Variants in TMEM164 observed in about 807,000 individuals in gnomAD.
TMEM164 encodes the protein transmembrane protein 164.
In TMEM164, 4 loss-of-function variants were observed where a neutral mutation model predicts 18.8. That is an observed-to-expected ratio of 0.21 (90% CI 0.10 to 0.49). TMEM164 has a LOEUF of 0.49. Ranked by LOEUF, TMEM164 falls within the 20% of genes least tolerant of loss-of-function variation. TMEM164 has a pLI of 0.98. For synonymous variants in TMEM164, 86 were observed against 101.7 expected, an observed-to-expected ratio of 0.85 and a Z score of 0.93; for missense variants, 108 against 239.9, an observed-to-expected ratio of 0.45 and a Z score of 3.63.
intron 2 of TMEM164, among the ~76,000 whole-genome samples, chrX:110,033,280 TGTC>T: frequency 8.9e-6 from 1 of 112,178 alleles, no homozygotes; most frequent in Admixed American, 9.4e-5. Flanking sequence ...ATGCAAAAAA[TGTC>T]GTTTCTTTAC....
At chrX:110,108,655 T>A (rs1219977317) in intron 3 of TMEM164, among the ~76,000 whole-genome samples, 1 of 111,951 alleles carries the variant, frequency 8.9e-6, no homozygotes, top group African/African-American at 3.3e-5. Context: ...GGATTATACA[T>A]GACAGTGTAA....
At chrX:110,077,462 T>C (rs754947136) in intron 3 of TMEM164, among the ~76,000 whole-genome samples, 1 of 111,795 alleles carries the variant, frequency 8.9e-6, no homozygotes, top group African/African-American at 3.2e-5. Context: ...ACATTCAACA[T>C]TAATATTGAT....
downstream of TMEM164, among the ~76,000 whole-genome samples, chrX:110,178,512 C>A (rs1347252018): frequency 5.4e-5 from 6 of 112,127 alleles, no homozygotes; most frequent in Admixed American, 3.7e-4. Flanking sequence ...AGACAATGAC[C>A]TAGGCCATTG....
intron 5 of TMEM164, among the ~76,000 whole-genome samples, chrX:110,165,773 A>G (rs2067151873): frequency 9.0e-6 from 1 of 111,583 alleles, no homozygotes; most frequent in African/African-American, 3.3e-5. Context: ...ACCTCCTCTC[A>G]GTTACTGAAG....
At chrX:110,121,289 G>A (rs1186130124) in intron 4 of TMEM164, among the ~76,000 whole-genome samples, 2 of 112,243 alleles carry the variant, frequency 1.8e-5, no homozygotes, top group Non-Finnish European at 1.9e-5. Flanking sequence ...TAGCACCACA[G>A]TCTAATTTTA....
In TMEM164 at chrX:110,170,103, G is replaced by A. The variant is rs189351111; in HGVS notation, c.587-1317G>A. Among the ~76,000 whole-genome samples, 861 of 112,163 alleles carry A rather than the reference G, an allele frequency of 7.7e-3. 11 individuals carry two copies. The highest frequency in any genetic ancestry group is 0.027 in the African/African-American group (821 of 30,851). ...GTTACACTCTCCCCTGTGGCCCCAT[G>A]GAACCCTTATCCATAGTTCTCTGAA... On this transcript the variant is annotated intron_variant, in intron 5 of 6. Coordinates refer to ENST00000372068, the MANE Select transcript of TMEM164 (RefSeq NM_032227.4).
intron 3 of TMEM164, among the ~76,000 whole-genome samples, chrX:110,075,440 G>A (rs939497182): frequency 9.0e-5 from 10 of 111,220 alleles, no homozygotes; most frequent in African/African-American, 2.9e-4. Flanking sequence ...CTATTTGGAT[G>A]CCTTTTATTT....
chrX:110,016,020 T>C (rs1933345167), intron 2 of TMEM164, among the ~76,000 whole-genome samples: 1 of 112,425 alleles, frequency 8.9e-6, no homozygotes, highest in Admixed American at 9.4e-5. Flanking sequence ...AGGCCAAGGC[T>C]GCATTAGCTT....
intron 2 of TMEM164, among the ~76,000 whole-genome samples, chrX:110,021,321 C>T (rs1193500269): frequency 9.0e-6 from 1 of 111,304 alleles, no homozygotes; most frequent in Admixed American, 9.6e-5. Context: ...GGCTGTGCCA[C>T]AGGTGCCTTG....
chrX:110,107,980 C>T (rs757279817), intron 3 of TMEM164, among the ~76,000 whole-genome samples: 2 of 110,358 alleles, frequency 1.8e-5, no homozygotes, highest in Non-Finnish European at 3.8e-5. Flanking sequence ...GCGTTACAAA[C>T]ACATCTGTGA....
At chrX:110,089,927 C>T (rs193043958) in intron 3 of TMEM164, among the ~76,000 whole-genome samples, 2 of 112,274 alleles carry the variant, frequency 1.8e-5, no homozygotes, top group African/African-American at 3.2e-5. Flanking sequence ...TTAGTAGTAG[C>T]GTATAGCATT....
intron 3 of TMEM164, among the ~76,000 whole-genome samples, chrX:110,069,281 G>A (rs923791179): frequency 1.8e-5 from 2 of 111,591 alleles, no homozygotes; most frequent in Non-Finnish European, 3.8e-5. Flanking sequence ...TGTAATATGT[G>A]AGATTATTAT....
At chrX:110,044,593 CTTTTTTTTT>C (rs56400284) in intron 2 of TMEM164, among the ~76,000 whole-genome samples, 1 of 35,958 alleles carries the variant, frequency 2.8e-5, no homozygotes, top group African/African-American at 1.2e-4. Context: ...CCATTCCTTG[CTTTTTTTTT>C]TTTTTTTTTT....
At chrX:110,042,130 C>CT (rs1261148402) in intron 2 of TMEM164, among the ~76,000 whole-genome samples, 170 of 102,914 alleles carry the variant, frequency 1.7e-3, no homozygotes, top group East Asian at 0.013. Context: ...ATTTCTAGCA[C>CT]TTTTTTTTTT....
chrX:110,031,093 C>G (rs1934483809), intron 2 of TMEM164, among the ~76,000 whole-genome samples: 1 of 110,801 alleles, frequency 9.0e-6, no homozygotes, highest in Non-Finnish European at 1.9e-5. Flanking sequence ...ATGTGATGTT[C>G]CCTTCCCTGT....
intron 2 of TMEM164, among the ~76,000 whole-genome samples, chrX:110,066,304 T>C (rs1458288538): frequency 8.9e-6 from 1 of 111,902 alleles, no homozygotes; most frequent in Non-Finnish European, 1.9e-5. Flanking sequence ...CTCAACAATA[T>C]AGGGACACAT....
intron 6 of TMEM164, 118 bp downstream of exon 6, chrX:110,171,638 G>T: frequency 1.6e-6 from 1 of 619,729 alleles, no homozygotes; most frequent in Non-Finnish European, 2.7e-6. Context: ...CTAAAGGCCA[G>T]GATGTCAGAT....
intron 4 of TMEM164, among the ~76,000 whole-genome samples, chrX:110,138,425 T>C (rs957756508): frequency 1.2e-4 from 13 of 111,761 alleles, no homozygotes; most frequent in African/African-American, 2.9e-4. Context: ...GAGATACCGA[T>C]TGGGAGTCAT....
intron 2 of TMEM164, among the ~76,000 whole-genome samples, chrX:110,061,214 T>G (rs1444972426): frequency 8.9e-6 from 1 of 112,667 alleles, no homozygotes; most frequent in Non-Finnish European, 1.9e-5. Flanking sequence ...GTGCTAGCTA[T>G]GTGCTAGGCA....
Sources: allele counts gnomAD v4.1 joint callset (sites outside exome capture counted in the v4.1 genomes callset), GRCh38; gene constraint gnomAD v4.1.1; transcripts MANE v1.5; gene names NCBI Gene and HGNC (gene_info 2026-07-23, HGNC 2026-07-21).